CORO2A: variants seen among roughly 807,000 people sequenced by gnomAD.
The protein encoded by CORO2A is coronin 2A.
A neutral mutation model predicts 62.4 loss-of-function variants in CORO2A; 47 were observed. The observed-to-expected ratio is 0.75, with a 90% confidence interval of 0.60 to 0.96. The LOEUF (loss-of-function observed/expected upper bound fraction) is 0.96, where lower values mean the gene tolerates loss of function less well. Ranked by LOEUF, CORO2A falls within the 40% of genes least tolerant of loss-of-function variation. The pLI, the probability that CORO2A is intolerant of heterozygous loss-of-function variation, is 0.00. For missense variants in CORO2A, 610 were observed against 684.1 expected (o/e 0.89, Z 1.21); for synonymous variants, 273 against 268.9 (o/e 1.02, Z -0.15).
At chr9:98,134,483 T>A (rs533298361) in intron 4 of CORO2A, among the ~76,000 whole-genome samples, 2 of 152,100 alleles carry the variant, frequency 1.3e-5, no homozygotes, top group Non-Finnish European at 2.9e-5. Flanking sequence ...TAAGATGAGA[T>A]CATAATGGAT....
In CORO2A at chr9:98,134,695, C is replaced by G. The variant is rs963199918; in HGVS notation, c.468+111G>C. On this transcript the variant is annotated intron_variant, in intron 4 of 11. Coordinates refer to ENST00000375077, the MANE Select transcript of CORO2A (RefSeq NM_052820.4). ...CTGGAGGGAGCTGGCTCTCCCAACA[C>G]CTTGATTTTCGATTTCTGGTCTCCA... The G allele has an allele frequency of 2.3e-6, 3 of 1,302,898 alleles. No individual in the cohort carries two copies. The African/African-American group carries it at 4.5e-5, about 20-fold the overall frequency. 80.7% of individuals were successfully genotyped at this position (1,302,898 alleles called of 1,614,324 possible).
intron 1 of CORO2A, among the ~76,000 whole-genome samples, chr9:98,167,179 G>C (rs1167194541): frequency 6.6e-6 from 1 of 151,984 alleles, no homozygotes; most frequent in African/African-American, 2.4e-5. Context: ...GAACTTTGAG[G>C]GCATTATGCT....
At chr9:98,167,911 G>A (rs577815783) in intron 1 of CORO2A, among the ~76,000 whole-genome samples, 3 of 152,338 alleles carry the variant, frequency 2.0e-5, no homozygotes, top group African/African-American at 7.2e-5. Flanking sequence ...AAGTGGGTGA[G>A]GGTACAAGAG....
At position 98,133,073 on chromosome 9, in the gene CORO2A, G is replaced by C; in HGVS notation, c.613C>G (p.Arg205Gly). Reference sequence around the variant, plus strand: ...GTCCCTGCTCGGGGGTCAATAACCCGAATCTTGCGGTCTTTGCAGGTGGTG... The same window carrying C: ...GTCCCTGCTCGGGGGTCAATAACCCCAATCTTGCGGTCTTTGCAGGTGGTG... Reference protein sequence around the residue: ...LATTCKDRKIRVIDPRAGTVL... With the variant: ...LATTCKDRKIGVIDPRAGTVL... The change falls in exon 5 of 12, where the codon CGG (arginine) becomes GGG (glycine). Residue 205 changes from arginine to glycine, a missense_variant. Transcript: ENST00000375077. 9 of 1,614,224 alleles carry C rather than the reference G, an allele frequency of 5.6e-6. No individual in the cohort carries two copies. Among genetic ancestry groups the C allele is most frequent in the Non-Finnish European group, 7.6e-6 (9 of 1,180,044 alleles).
intron 2 of CORO2A, among the ~76,000 whole-genome samples, chr9:98,152,579 T>C (rs537633140): frequency 6.6e-6 from 1 of 152,332 alleles, no homozygotes; most frequent in Non-Finnish European, 1.5e-5. Flanking sequence ...CCACCCTGCC[T>C]GGCCTGTAGA....
rs1828213989 is a variant in CORO2A at position 98,184,492 on chromosome 9, T to C, written c.-1+8067A>G. On this transcript the variant is annotated intron_variant, in intron 1 of 11. Transcript: ENST00000375077. ...AACCCAAACAGTCTCATTCCACACA[T>C]ACTACTCTTTCTCTTACCGTGACAT... 2.6e-5 allele frequency among the ~76,000 whole-genome samples: 4 copies of C among 152,194 alleles called. No homozygotes were observed. In the South Asian group the frequency reaches 8.3e-4, roughly 31 times the overall value.
At chr9:98,189,247 G>A (rs966127312) in intron 1 of CORO2A, among the ~76,000 whole-genome samples, 3 of 152,194 alleles carry the variant, frequency 2.0e-5, no homozygotes, top group African/African-American at 7.2e-5. Flanking sequence ...GACCACAGAA[G>A]CAAAGTCACC....
chr9:98,137,763 T>C (rs374900725), intron 2 of CORO2A, 75 bp from the exon 3 acceptor site: 2 of 1,068,062 alleles, frequency 1.9e-6, no homozygotes, highest in Non-Finnish European at 2.9e-6. Context: ...CATAGTCAGT[T>C]AGCAACCAGT....
At chr9:98,174,033 G>A (rs1019546412) in intron 1 of CORO2A, among the ~76,000 whole-genome samples, 1 of 152,096 alleles carries the variant, frequency 6.6e-6, no homozygotes, top group African/African-American at 2.4e-5. Context: ...CTTGAACCTG[G>A]GAGGTGGAGG....
intron 3 of CORO2A, 79 bp downstream of exon 3, chr9:98,137,493 A>G: frequency 1.7e-6 from 2 of 1,175,150 alleles, no homozygotes; most frequent in Non-Finnish European, 2.6e-6. Context: ...CACCAGAGCC[A>G]AGAACAGGTA....
chr9:98,157,427 C>G, intron 2 of CORO2A, 33 bp downstream of exon 2: 1 of 1,608,644 alleles, frequency 6.2e-7, no homozygotes, highest in Non-Finnish European at 8.5e-7. Context: ...GCCCTGCCTC[C>G]AGAGAGCTGT....
At chr9:98,163,768 G>GAGAGAGAGAA (rs144754511) in intron 1 of CORO2A, among the ~76,000 whole-genome samples, 2,233 of 146,830 alleles carry the variant, frequency 0.015, 16 homozygotes, top group Non-Finnish European at 0.025. Context: ...GAGAGAGAGA[G>GAGAGAGAGAA]AGAGAGAAAG....
rs1827287715 is a variant in CORO2A, at chr9:98,124,517, T to A, written c.*257A>T. On this transcript the variant is annotated 3_prime_UTR_variant, in exon 12 of 12. Transcript: ENST00000375077. ...TTTCCTCTTGAGAAGTTACAGCTCA[T>A]CATGGGCCCTTAATAACAGAATTCA... is the stretch of plus-strand genomic sequence containing the variant. 9.4e-6 allele frequency: 3 copies of A among 319,414 alleles called. No individual in the cohort carries two copies. The allele number at this position is 319,414 out of a possible 1,614,324, so 19.8% of individuals were successfully genotyped here.
At chr9:98,141,565 G>C (rs1211353041) in intron 2 of CORO2A, among the ~76,000 whole-genome samples, 1 of 152,092 alleles carries the variant, frequency 6.6e-6, no homozygotes, top group Non-Finnish European at 1.5e-5. Context: ...TGTTGGCCAG[G>C]CTGGTCTTGA....
intron 3 of CORO2A, among the ~76,000 whole-genome samples, chr9:98,135,800 A>T (rs1264668068): frequency 1.3e-5 from 2 of 152,296 alleles, no homozygotes; most frequent in South Asian, 4.1e-4. Context: ...TTTCCTGGTC[A>T]TCTTGGATTT....
intron 1 of CORO2A, among the ~76,000 whole-genome samples, chr9:98,184,026 T>C (rs1257972153): frequency 6.6e-6 from 1 of 152,190 alleles, no homozygotes. Flanking sequence ...GCATTGTAAG[T>C]GATCTATAGA....
Position 98,157,526 on chromosome 9 carries a change from G to C in CORO2A, c.135C>G (p.Pro45=). 6.2e-7 allele frequency: 1 copy of C among 1,614,206 alleles called. No individual in the cohort carries two copies. Among genetic ancestry groups the C allele is most frequent in the Non-Finnish European group, 8.5e-7 (1 of 1,180,042 alleles). Residue 45 remains proline (P), a synonymous_variant, in exon 2 of 12, where the codon CCC becomes CCG. Transcript: ENST00000375077. ...VHDNHFCAVN[P]HFIAVVTECA... ...ACTCAGTCACAACTGCAATGAAGTGGGGGTTCACGGCACAGAAGTGGTTGT... is the reference window on the plus strand; with the variant it reads ...ACTCAGTCACAACTGCAATGAAGTGCGGGTTCACGGCACAGAAGTGGTTGT...
Position 98,157,673 on chromosome 9 carries a change from A to G in CORO2A, c.1-13T>C, listed in dbSNP as rs1443976876. On this transcript the variant is annotated splice_polypyrimidine_tract_variant and intron_variant, in intron 1 of 11. Transcript: ENST00000375077. ...GGTGCCATGACATCTGCAGGAGACA[A>G]ATGGGACAAAGGGTATGAGGCTCAC... The G allele has an allele frequency of 1.2e-6, 2 of 1,607,966 alleles. No individual in the cohort carries two copies. Among genetic ancestry groups the G allele is most frequent in the South Asian group, 2.2e-5 (2 of 89,952 alleles).
At chr9:98,155,912 T>C (rs1344267390) in intron 2 of CORO2A, among the ~76,000 whole-genome samples, 2 of 152,154 alleles carry the variant, frequency 1.3e-5, no homozygotes, top group African/African-American at 4.8e-5. Context: ...GGCTTGTCTA[T>C]CACCCTTTTC....
Sources: allele counts gnomAD v4.1 joint callset (sites outside exome capture counted in the v4.1 genomes callset), GRCh38; gene constraint gnomAD v4.1.1; transcripts MANE v1.5; gene names NCBI Gene and HGNC (gene_info 2026-07-23, HGNC 2026-07-21).